The following FRRS1L variants were observed in gnomAD, a reference collection of about 807,000 sequenced individuals.
FRRS1L encodes ferric chelate reductase 1 like, also known as DOMON domain-containing protein FRRS1L.
Under a neutral mutation model 28.6 loss-of-function variants are expected in FRRS1L, and 22 were observed. That is an observed-to-expected ratio of 0.77 (90% confidence interval 0.55 to 1.10). FRRS1L has a LOEUF of 1.10. Among genes scored for constraint, FRRS1L ranks in the 50% least tolerant of loss-of-function variants. The pLI, the probability that FRRS1L is intolerant of heterozygous loss-of-function variation, is 0.00. For missense variants in FRRS1L, 380 were observed against 386.9 expected, an observed-to-expected ratio of 0.98 and a Z score of 0.15; for synonymous variants, 158 against 151.4, an observed-to-expected ratio of 1.04 and a Z score of -0.32.
chr9:109,144,905 G>C (rs562507875), intron 3 of FRRS1L, among the ~76,000 whole-genome samples: 1 of 152,056 alleles, frequency 6.6e-6, no homozygotes, highest in Non-Finnish European at 1.5e-5. Context: ...GGCTGTTCTC[G>C]AACTCCTGAC....
At chr9:109,156,147 G>C (rs983180079) in intron 1 of FRRS1L, among the ~76,000 whole-genome samples, 10 of 152,238 alleles carry the variant, frequency 6.6e-5, no homozygotes, top group Admixed American at 1.3e-4. Context: ...TAGATGCAGA[G>C]GGAGTTCATT....
rs878853283 is a variant in FRRS1L at position 109,149,675 on chromosome 9, A to AT, written c.283dup (p.Ile95AsnfsTer10). The AT allele has an allele frequency of 6.2e-7, 1 of 1,613,886 alleles. No individual in the cohort carries two copies. Among genetic ancestry groups the AT allele is most frequent in the Non-Finnish European group, 8.5e-7 (1 of 1,179,782 alleles). ...AGTTTTTCCACAGTCGTCCACTTTG[A>AT]TTTTGGCAAATGGATCCACAGGAGG... is the stretch of plus-strand genomic sequence containing the variant. On this transcript the variant is annotated frameshift_variant, in exon 2 of 5. Transcript: ENST00000561981. LOFTEE classifies it high-confidence loss of function.
At chr9:109,165,758 C>T (rs1198565482) in intron 1 of FRRS1L, among the ~76,000 whole-genome samples, 7 of 152,154 alleles carry the variant, frequency 4.6e-5, no homozygotes, top group Non-Finnish European at 1.0e-4. Context: ...TATGAAACTT[C>T]CGAGTAATCC....
rs1350372182 is a variant in FRRS1L, at chr9:109,134,014, G to C, written c.*3441C>G. The C allele has an allele frequency of 1.3e-5, 2 of 152,140 alleles. No individual in the cohort carries two copies. Among genetic ancestry groups the C allele is most frequent in the Non-Finnish European group, 2.9e-5 (2 of 68,026 alleles). The allele number at this position is 152,140 out of a possible 1,614,324, so 9.4% of individuals were successfully genotyped here. A position where few individuals can be genotyped will look rare whatever the true frequency, so the allele number is the denominator to read the frequency against. Reference sequence around the variant, plus strand: ...TTCTTATTTCTGAAAAATGATTACTGTTAGTACTGTTACTAAGGATGTTTC... The same window carrying C: ...TTCTTATTTCTGAAAAATGATTACTCTTAGTACTGTTACTAAGGATGTTTC... On this transcript the variant is annotated 3_prime_UTR_variant, in exon 5 of 5. Transcript: ENST00000561981.
At chr9:109,160,791 C>CTTTTTTTT (rs750103312) in intron 1 of FRRS1L, among the ~76,000 whole-genome samples, 5 of 114,390 alleles carry the variant, frequency 4.4e-5, no homozygotes, top group African/African-American at 1.3e-4. Flanking sequence ...AGAAAGAAAT[C>CTTTTTTTT]TTTTTTTTTT....
At chr9:109,143,726 G>A (rs1332128113) in intron 3 of FRRS1L, among the ~76,000 whole-genome samples, 1 of 151,968 alleles carries the variant, frequency 6.6e-6, no homozygotes, top group African/African-American at 2.4e-5. Context: ...TGTTGGCCAG[G>A]CTGGTCTCAA....
intron 1 of FRRS1L, among the ~76,000 whole-genome samples, chr9:109,158,790 C>T (rs1334222046): frequency 6.6e-6 from 1 of 152,226 alleles, no homozygotes; most frequent in Non-Finnish European, 1.5e-5. Context: ...AATGCTGCTG[C>T]TATGGACAAG....
At position 109,141,532 on chromosome 9, in the gene FRRS1L, G is replaced by A; in HGVS notation, c.520C>T (p.His174Tyr). The A allele has an allele frequency of 6.2e-7, 1 of 1,613,886 alleles. No homozygotes were observed. The highest frequency in any genetic ancestry group is 8.5e-7 in the Non-Finnish European group (1 of 1,179,902). Residue 174 changes from histidine to tyrosine, a missense_variant, in exon 4 of 5, where the codon CAC becomes TAC. His to Tyr is a moderately conservative substitution (Grantham distance 83). Coordinates refer to ENST00000561981, the MANE Select transcript of FRRS1L (RefSeq NM_014334.4). ...HDDNGRVRIQ[H>Y]FYNVGQWAKE... Reference sequence around the variant, plus strand: ...GCCCACTGGCCTACATTATAGAAGTGCTGTATGCGGACCCTGCCATTGTCA... The same window carrying A: ...GCCCACTGGCCTACATTATAGAAGTACTGTATGCGGACCCTGCCATTGTCA...
rs1449708360 is a variant in FRRS1L, at chr9:109,134,894, G to A, written c.*2561C>T. 2 of 152,224 alleles carry A rather than the reference G, an allele frequency of 1.3e-5. No homozygotes were observed. Among genetic ancestry groups the A allele is most frequent in the Admixed American group, 1.3e-4 (2 of 15,286 alleles). The allele number at this position is 152,224 out of a possible 1,614,324, so 9.4% of individuals were successfully genotyped here. On this transcript the variant is annotated 3_prime_UTR_variant, in exon 5 of 5. Coordinates refer to ENST00000561981, the MANE Select transcript of FRRS1L (RefSeq NM_014334.4). Reference sequence around the variant, plus strand: ...TATCTTCACTACTAAACAGCCACTAGAGCTGAGAAGATGAGACACAGGCCA... The same window carrying A: ...TATCTTCACTACTAAACAGCCACTAAAGCTGAGAAGATGAGACACAGGCCA...
intron 1 of FRRS1L, among the ~76,000 whole-genome samples, chr9:109,161,419 A>T (rs1831479138): frequency 6.6e-6 from 1 of 152,156 alleles, no homozygotes; most frequent in Admixed American, 6.5e-5. Context: ...CCTTCTGCTG[A>T]CATGGACTCT....
chr9:109,144,771 C>T (rs1014946910), intron 3 of FRRS1L, among the ~76,000 whole-genome samples: 2 of 152,048 alleles, frequency 1.3e-5, no homozygotes, highest in African/African-American at 4.8e-5. Flanking sequence ...GCAACCTCCG[C>T]CTCCTGGGTT....
Position 109,141,339 on chromosome 9 carries a change from T to C in FRRS1L, c.709+4A>G. ...TTAATCCAGATGCTGAAATGTAAGCTTACCCTGAATGGCTGGACCCCAAGC... is the reference window on the plus strand; with the variant it reads ...TTAATCCAGATGCTGAAATGTAAGCCTACCCTGAATGGCTGGACCCCAAGC... On this transcript the variant is annotated splice_donor_region_variant and intron_variant, in intron 4 of 4. Coordinates refer to ENST00000561981, the MANE Select transcript of FRRS1L (RefSeq NM_014334.4). 6.2e-7 allele frequency: 1 copy of C among 1,613,982 alleles called. No individual in the cohort carries two copies.
intron 1 of FRRS1L, among the ~76,000 whole-genome samples, chr9:109,159,931 G>C (rs1831459868): frequency 6.6e-6 from 1 of 152,086 alleles, no homozygotes. Flanking sequence ...AAATAAATCT[G>C]TCTACATAGA....
intron 3 of FRRS1L, among the ~76,000 whole-genome samples, chr9:109,141,840 C>T (rs1018231290): frequency 6.6e-6 from 1 of 151,638 alleles, no homozygotes; most frequent in Admixed American, 6.6e-5. Flanking sequence ...CACAAACCAA[C>T]CTAATCAAGA....
chr9:109,143,045 G>A (rs1038071875), intron 3 of FRRS1L, among the ~76,000 whole-genome samples: 1 of 152,068 alleles, frequency 6.6e-6, no homozygotes, highest in African/African-American at 2.4e-5. Context: ...TTGGTCGGGT[G>A]TGATGGCTCA....
intron 1 of FRRS1L, chr9:109,152,167 T>TGA (rs1831338013): frequency 6.6e-6 from 1 of 151,972 alleles, no homozygotes. Flanking sequence ...ATTTTTTTTT[T>TGA]GAGACAGAGC....
chr9:109,147,241 T>C (rs1488450553), intron 2 of FRRS1L, 52 bp from the exon 3 acceptor site: 4 of 1,456,576 alleles, frequency 2.7e-6, no homozygotes, highest in African/African-American at 1.4e-5. Context: ...ACAAAAGACA[T>C]TAAGAGAGCA....
chr9:109,142,773 C>T (rs1039864550), intron 3 of FRRS1L, among the ~76,000 whole-genome samples: 2 of 151,204 alleles, frequency 1.3e-5, no homozygotes. Flanking sequence ...TGCCACTGCA[C>T]TGCAGCTTGG....
At chr9:109,156,037 A>G (rs1457828430) in intron 1 of FRRS1L, among the ~76,000 whole-genome samples, 1 of 152,152 alleles carries the variant, frequency 6.6e-6, no homozygotes, top group Non-Finnish European at 1.5e-5. Context: ...CTCCAGTGTC[A>G]TGTACATGAT....
Sources: allele counts gnomAD v4.1 joint callset (sites outside exome capture counted in the v4.1 genomes callset), GRCh38; gene constraint gnomAD v4.1.1; transcripts MANE v1.5; gene names NCBI Gene and HGNC (gene_info 2026-07-23, HGNC 2026-07-21).